Variants in FRMD6 observed in about 807,000 individuals in gnomAD.
The protein encoded by FRMD6 is FERM domain-containing protein 6.
In FRMD6, 37 loss-of-function variants were observed where a neutral mutation model predicts 73.2. The observed-to-expected ratio is 0.51, with a 90% CI of 0.39 to 0.66. FRMD6 has a LOEUF of 0.66. Among genes scored for constraint, FRMD6 ranks in the 30% least tolerant of loss-of-function variants. The probability of loss-of-function intolerance (pLI) is 0.00; values close to 1 mark genes in which losing one functional copy is unlikely to be tolerated. For missense variants in FRMD6, 714 were observed against 780.5 expected, an observed-to-expected ratio of 0.91 and a Z score of 1.02; for synonymous variants, 273 against 282.2, an observed-to-expected ratio of 0.97 and a Z score of 0.33.
In FRMD6 at chr14:51,535,546, A is replaced by G. The variant is rs577310671; in HGVS notation, c.-209-34802A>G. Among the ~76,000 whole-genome samples, 3 of 152,350 alleles carry G rather than the reference A, an allele frequency of 2.0e-5. No individual in the cohort carries two copies. The South Asian group carries it at 6.2e-4, about 32-fold the overall frequency. On this transcript the variant is annotated intron_variant, in intron 1 of 14. Transcript: ENST00000356218. ...TCAAGGATTATCCATGTTGTGGCAT[A>G]TATTAGCACTGTGTTCCTTTTTATG... is the stretch of plus-strand genomic sequence containing the variant.
intron 2 of FRMD6, among the ~76,000 whole-genome samples, chr14:51,625,854 C>A (rs1891094415): frequency 6.6e-6 from 1 of 152,184 alleles, no homozygotes; most frequent in South Asian, 2.1e-4. Context: ...CTAGCATTTA[C>A]TGTCTGAATC....
intron 1 of FRMD6, among the ~76,000 whole-genome samples, chr14:51,672,611 C>T (rs1894090416): frequency 6.6e-6 from 1 of 152,100 alleles, no homozygotes; most frequent in South Asian, 2.1e-4. Context: ...CCTTTTGGAG[C>T]TTATGGTGAG....
chr14:51,441,616 C>T, the FRMD6 span, among the ~76,000 whole-genome samples: 1 of 152,238 alleles, frequency 6.6e-6, no homozygotes, highest in African/African-American at 2.4e-5. Context: ...TCCTGTGTCT[C>T]AAATCTGTGA....
intron 1 of FRMD6, among the ~76,000 whole-genome samples, chr14:51,496,057 G>T (rs1319131767): frequency 6.6e-6 from 1 of 152,180 alleles, no homozygotes; most frequent in Non-Finnish European, 1.5e-5. Context: ...GAATGTGGAA[G>T]ATGTAGCAGC....
the FRMD6 span, among the ~76,000 whole-genome samples, chr14:51,433,735 T>C: frequency 1.3e-5 from 2 of 152,210 alleles, no homozygotes; most frequent in African/African-American, 4.8e-5. Context: ...GTGTGAGCAG[T>C]ACTTTTCTGA....
chr14:51,594,661 C>T (rs1337973497), intron 2 of FRMD6, among the ~76,000 whole-genome samples: 1 of 151,972 alleles, frequency 6.6e-6, no homozygotes, highest in Non-Finnish European at 1.5e-5. Context: ...TGGGGTTTCA[C>T]TATGTTGGTG....
intron 1 of FRMD6, among the ~76,000 whole-genome samples, chr14:51,498,141 T>A (rs1883408461): frequency 6.6e-6 from 1 of 152,226 alleles, no homozygotes; most frequent in Non-Finnish European, 1.5e-5. Context: ...CTTCTATACC[T>A]TATCAGGCAG....
chr14:51,644,595 T>C (rs1024467901), intron 2 of FRMD6, among the ~76,000 whole-genome samples: 5 of 152,240 alleles, frequency 3.3e-5, no homozygotes, highest in African/African-American at 1.2e-4. Flanking sequence ...TAAAATGTGC[T>C]ATAAAAATAA....
At chr14:51,490,466 G>C (rs1189823287) in intron 1 of FRMD6, among the ~76,000 whole-genome samples, 1 of 152,144 alleles carries the variant, frequency 6.6e-6, no homozygotes, top group Admixed American at 6.6e-5. Context: ...CAAATGCTGG[G>C]TCATTTAAAA....
intron 1 of FRMD6, among the ~76,000 whole-genome samples, chr14:51,556,750 A>G (rs1887155558): frequency 6.6e-6 from 1 of 152,304 alleles, no homozygotes; most frequent in Admixed American, 6.5e-5. Flanking sequence ...AGCCTTATCC[A>G]TCATTGAAGA....
At chr14:51,692,022 T>A (rs1308336010) in intron 2 of FRMD6, among the ~76,000 whole-genome samples, 1 of 152,210 alleles carries the variant, frequency 6.6e-6, no homozygotes, top group African/African-American at 2.4e-5. Context: ...ATTGCTATAG[T>A]CATTTTGGCT....
chr14:51,509,076 A>G (rs1884138261), intron 1 of FRMD6, among the ~76,000 whole-genome samples: 1 of 152,238 alleles, frequency 6.6e-6, no homozygotes, highest in Non-Finnish European at 1.5e-5. Context: ...GCTCACCATC[A>G]TTCAAAACAT....
chr14:51,702,733 T>C (rs1896400722), intron 5 of FRMD6, 145 bp downstream of exon 5: 3 of 603,630 alleles, frequency 5.0e-6, no homozygotes, highest in Non-Finnish European at 2.9e-6. Context: ...TTCTTTTTAA[T>C]ATTTTGTACG....
intron 1 of FRMD6, among the ~76,000 whole-genome samples, chr14:51,680,585 G>A (rs1894725052): frequency 6.6e-6 from 1 of 152,020 alleles, no homozygotes; most frequent in African/African-American, 2.4e-5. Flanking sequence ...CTTATTCATT[G>A]ACTAACAGAA....
rs116925536 is a variant in FRMD6 at position 51,653,065 on chromosome 14, A to G, written c.-147+1069A>G. ...TTTACGCAAAATCTGTTTTGCCAGT[A>G]TTTCCCTCAGGAGCTGTGCATTGCT... On this transcript the variant is annotated intron_variant, in intron 1 of 13. Coordinates refer to ENST00000344768, the MANE Select transcript of FRMD6 (RefSeq NM_001267046.2). Among the ~76,000 whole-genome samples the G allele has an allele frequency of 3.7e-3, 561 of 152,210 alleles. 3 individuals carry two copies. Among genetic ancestry groups the G allele is most frequent in the South Asian group, 7.9e-3 (38 of 4,826 alleles).
At chr14:51,462,031 G>A in the FRMD6 span, among the ~76,000 whole-genome samples, 860 of 151,836 alleles carry the variant, frequency 5.7e-3, 7 homozygotes, top group African/African-American at 0.019. Flanking sequence ...AAGGGAGGGA[G>A]GGAAGGAGGA....
At chr14:51,449,783 A>C in the FRMD6 span, among the ~76,000 whole-genome samples, 1 of 152,162 alleles carries the variant, frequency 6.6e-6, no homozygotes, top group African/African-American at 2.4e-5. Context: ...ATAAAACACA[A>C]ACCCACAGCT....
intron 7 of FRMD6, among the ~76,000 whole-genome samples, chr14:51,708,905 G>A (rs1333425514): frequency 6.6e-6 from 1 of 152,096 alleles, no homozygotes; most frequent in African/African-American, 2.4e-5. Flanking sequence ...CCTCACTCTC[G>A]GAAGTTACTC....
chr14:51,721,729 AG>A (rs1188305505), intron 11 of FRMD6, among the ~76,000 whole-genome samples: 58 of 62,044 alleles, frequency 9.3e-4, no homozygotes, highest in African/African-American at 4.3e-3. Context: ...GGAGGGAGGA[AG>A]GGAGGGAGGA....
Sources: allele counts gnomAD v4.1 joint callset (sites outside exome capture counted in the v4.1 genomes callset), GRCh38; gene constraint gnomAD v4.1.1; transcripts MANE v1.5; gene names NCBI Gene and HGNC (gene_info 2026-07-23, HGNC 2026-07-21).